Variants in ZNF688 observed in about 807,000 individuals in gnomAD.
ZNF688 encodes the protein zinc finger protein 688.
ZNF688 carries 10 observed loss-of-function variants against 13.2 expected under a neutral mutation model. The observed-to-expected ratio is 0.76, with a 90% CI of 0.47 to 1.28. The LOEUF (loss-of-function observed/expected upper bound fraction) is 1.28. ZNF688 is among the 50% of genes most tolerant of loss of function. ZNF688 has a pLI of 0.00. For missense variants in ZNF688, 381 were observed against 391.4 expected, an observed-to-expected ratio of 0.97 and a Z score of 0.22; for synonymous variants, 160 against 159.4, an observed-to-expected ratio of 1.00 and a Z score of -0.03.
Position 30,571,206 on chromosome 16 carries a change from C to T in ZNF688, c.197-83G>A, listed in dbSNP as rs190264458. Reference sequence around the variant, plus strand: ...TTCCCCTCCAGGCTGAGGGCACCCCCTCGGAGCTTATACTCAACCTGGAAG... The same window carrying T: ...TTCCCCTCCAGGCTGAGGGCACCCCTTCGGAGCTTATACTCAACCTGGAAG... On this transcript the variant is annotated intron_variant, in intron 1 of 2. Coordinates refer to ENST00000223459, the MANE Select transcript of ZNF688 (RefSeq NM_145271.4). The T allele has an allele frequency of 1.1e-5, 17 of 1,524,102 alleles. No individual in the cohort carries two copies. The Admixed American group carries it at 2.8e-4, about 25-fold the overall frequency. The allele number at this position is 1,524,102 out of a possible 1,614,324, so 94.4% of individuals were successfully genotyped here.
Position 30,570,019 on chromosome 16 carries a change from C to G in ZNF688, c.728G>C (p.Arg243Pro), listed in dbSNP as rs762110649. ...HRSCSGGRRG[R>P]RPGIRAVPRA... Reference sequence around the variant, plus strand: ...AGGCACAGCCCGGATCCCAGGCCTCCGGCCCCGCCGCCCCCCGGAGCAGGA... The same window carrying G: ...AGGCACAGCCCGGATCCCAGGCCTCGGGCCCCGCCGCCCCCCGGAGCAGGA... The change falls in exon 3 of 3, where the codon CGG (arginine) becomes CCG (proline). Residue 243 changes from arginine (R) to proline (P), a missense_variant. Arg to Pro is a moderately radical substitution (Grantham distance 103, BLOSUM62 -2). Transcript: ENST00000223459. The G allele has an allele frequency of 1.2e-5, 19 of 1,610,678 alleles. No homozygotes were observed. The highest frequency in any genetic ancestry group is 1.6e-5 in the Non-Finnish European group (19 of 1,179,286).
At position 30,569,958 on chromosome 16, in the gene ZNF688, C is replaced by T. The variant is rs1403546609; in HGVS notation, c.789G>A (p.Val263=). The T allele has an allele frequency of 1.3e-6, 2 of 1,587,820 alleles. No individual in the cohort carries two copies. The highest frequency in any genetic ancestry group is 2.2e-5 in the East Asian group (1 of 44,682). ...AGATGTCTGGGTAGTGCCGGAAGAG[C>T]ACAGGCGGGTCCCGGTCACCTCGGA... ...APVRGDRDPP[V]LFRHYPDIFE... is the part of the protein sequence containing the mutation. The change falls in exon 3 of 3, where the codon GTG becomes GTA. Residue 263 remains valine, a synonymous_variant. Coordinates refer to ENST00000223459, the MANE Select transcript of ZNF688 (RefSeq NM_145271.4).
upstream of ZNF688, among the ~76,000 whole-genome samples, chr16:30,577,249 A>G (rs1441832807): frequency 6.6e-6 from 1 of 152,190 alleles, no homozygotes; most frequent in East Asian, 1.9e-4. Context: ...ACAGAGTAGC[A>G]ACTTGAACCA....
chr16:30,571,832 T>C (rs1169134083), upstream of ZNF688: 2 of 1,302,552 alleles, frequency 1.5e-6, no homozygotes, highest in East Asian at 6.2e-5. Context: ...CCTCAGTGTT[T>C]ATTCACTTCA....
upstream of ZNF688, among the ~76,000 whole-genome samples, chr16:30,575,348 G>GTGATT (rs1033801769): frequency 6.6e-6 from 1 of 151,590 alleles, no homozygotes; most frequent in Non-Finnish European, 1.5e-5. Flanking sequence ...CCAGGTTCAA[G>GTGATT]TGATTTTCCT....
chr16:30,579,946 G>A, the ZNF688 span: 2 of 439,680 alleles, frequency 4.5e-6, no homozygotes, highest in Non-Finnish European at 9.2e-6. Context: ...GGAGTGCAGT[G>A]GCGCGATCTC....
At chr16:30,574,074 C>T (rs1013687227), upstream of ZNF688, among the ~76,000 whole-genome samples, 2 of 152,070 alleles carry the variant, frequency 1.3e-5, no homozygotes, top group African/African-American at 4.8e-5. Context: ...TGCTGAAACT[C>T]CATCTCTACT....
At chr16:30,578,171 A>T in the ZNF688 span, among the ~76,000 whole-genome samples, 1 of 152,120 alleles carries the variant, frequency 6.6e-6, no homozygotes, top group Non-Finnish European at 1.5e-5. Context: ...TCTGTACAAA[A>T]AATACAAAAA....
chr16:30,571,508 C>T lies in ZNF688; in HGVS notation c.122G>A (p.Gly41Asp). 2.5e-6 allele frequency: 4 copies of T among 1,589,434 alleles called. No homozygotes were observed. The highest frequency in any genetic ancestry group is 1.7e-4 in the Middle Eastern group (1 of 5,742). The change falls in exon 1 of 3, where the codon GGC becomes GAC. Residue 41 changes from glycine to aspartate, a missense_variant. Gly to Asp is a moderately conservative substitution (Grantham distance 94). Transcript: ENST00000223459. Reference protein sequence around the residue: ...VAVYFSPEEWGCLRPAQRALY... With the variant: ...VAVYFSPEEWDCLRPAQRALY... ...AGCCCTCTGCGCGGGCCGCAGACAG[C>T]CCCACTCCTCCGGGGAGAAGTACAC... is the stretch of plus-strand genomic sequence containing the variant.
At chr16:30,572,285 T>G, upstream of ZNF688, 1 of 1,507,420 alleles carries the variant, frequency 6.6e-7, no homozygotes, top group Non-Finnish European at 8.9e-7. Flanking sequence ...TCTGCGGTGC[T>G]CGGGATTGTG....
Position 30,569,981 on chromosome 16 carries a change from G to C in ZNF688, c.766C>G (p.Arg256Gly). The change falls in exon 3 of 3, where the codon CGA (arginine) becomes GGA (glycine). Residue 256 changes from arginine to glycine, a missense_variant. By Grantham distance (125) the Arg-to-Gly change is moderately radical. Coordinates refer to ENST00000223459, the MANE Select transcript of ZNF688 (RefSeq NM_145271.4). ...AGCACAGGCGGGTCCCGGTCACCTC[G>C]GACGGGGGCCCGAGGCACAGCCCGG... ...GIRAVPRAPVRGDRDPPVLFR... is the reference protein window; with the variant it reads ...GIRAVPRAPVGGDRDPPVLFR... 6.2e-7 allele frequency: 1 copy of C among 1,602,844 alleles called. No homozygotes were observed. Among genetic ancestry groups the C allele is most frequent in the South Asian group, 1.1e-5 (1 of 89,960 alleles).
In ZNF688 at chr16:30,570,309, C is replaced by T. The variant is rs1240229485; in HGVS notation, c.438G>A (p.Val146=). ...TGGGTGGCTGTGCCCGTGCCGGGGC[C>T]ACGCTAATAGCTGGGTCAGGGTTGC... ...VERNPDPAIS[V]APARAQPPKN... The change falls in exon 3 of 3, where the codon GTG becomes GTA. Residue 146 remains valine, a synonymous_variant. Coordinates refer to ENST00000223459, the MANE Select transcript of ZNF688 (RefSeq NM_145271.4). 21 of 1,614,098 alleles carry T rather than the reference C, an allele frequency of 1.3e-5. No individual in the cohort carries two copies. Among genetic ancestry groups the T allele is most frequent in the Non-Finnish European group, 1.8e-5 (21 of 1,180,026 alleles).
At chr16:30,571,375 A>G in intron 1 of ZNF688, 59 bp downstream of exon 1, 10 of 1,539,076 alleles carry the variant, frequency 6.5e-6, no homozygotes, top group South Asian at 6.0e-5. Flanking sequence ...CGGCCCTTCT[A>G]CATCATCTCC....
At chr16:30,577,685 G>GTTT (rs755631953), upstream of ZNF688, among the ~76,000 whole-genome samples, 1 of 129,940 alleles carries the variant, frequency 7.7e-6, no homozygotes. Context: ...CCGGCCTGTG[G>GTTT]TTTTTTTTTT....
At chr16:30,574,657 C>G (rs963132484), upstream of ZNF688, among the ~76,000 whole-genome samples, 1 of 152,042 alleles carries the variant, frequency 6.6e-6, no homozygotes, top group Admixed American at 6.6e-5. Flanking sequence ...GTACAATAAT[C>G]AAGTCAGGAT....
upstream of ZNF688, chr16:30,573,923 T>A: frequency 3.0e-6 from 1 of 333,532 alleles, no homozygotes; most frequent in Middle Eastern, 4.8e-4. Context: ...AAATATATCC[T>A]TAGAAATGAG....
In ZNF688 at chr16:30,570,335, G is replaced by A. The variant is rs779204537; in HGVS notation, c.412C>T (p.Arg138Cys). 1.6e-5 allele frequency: 26 copies of A among 1,614,098 alleles called. 1 individual carries two copies. In the South Asian group the frequency reaches 2.7e-4, roughly 17 times the overall value. Residue 138 changes from arginine to cysteine, a missense_variant, in exon 3 of 3, where the codon CGC becomes TGC. By Grantham distance (180) the Arg-to-Cys change is radical. Coordinates refer to ENST00000223459, the MANE Select transcript of ZNF688 (RefSeq NM_145271.4). ...ACGCTAATAGCTGGGTCAGGGTTGC[G>A]TTCCACCAGCACTTCAGGACTCTCC... ...VKESPEVLVE[R>C]NPDPAISVAP...
At chr16:30,574,379 G>C (rs2051727054), upstream of ZNF688, among the ~76,000 whole-genome samples, 1 of 150,692 alleles carries the variant, frequency 6.6e-6, no homozygotes, top group Admixed American at 6.6e-5. Context: ...AACCCCGTCT[G>C]TACTAAAAAT....
chr16:30,573,390 C>T (rs570872221), upstream of ZNF688, among the ~76,000 whole-genome samples: 4 of 152,222 alleles, frequency 2.6e-5, no homozygotes, highest in East Asian at 1.9e-4. Context: ...TTGTATCTTC[C>T]GCTTCCTAGA....
Sources: allele counts gnomAD v4.1 joint callset (sites outside exome capture counted in the v4.1 genomes callset), GRCh38; gene constraint gnomAD v4.1.1; transcripts MANE v1.5; gene names NCBI Gene and HGNC (gene_info 2026-07-23, HGNC 2026-07-21).